The following EPHB2 variants were observed in gnomAD, a reference collection of about 807,000 sequenced individuals.
The protein encoded by EPHB2 is EPH receptor B2, also known as ephrin type-B receptor 2.
EPHB2 carries 18 observed loss-of-function variants against 96.4 expected under a neutral mutation model. That is an observed-to-expected ratio of 0.19 (90% CI 0.13 to 0.28). The LOEUF (loss-of-function observed/expected upper bound fraction) is 0.28, where lower values mean the gene tolerates loss of function less well. Among genes scored for constraint, EPHB2 ranks in the 10% least tolerant of loss-of-function variants. The pLI, the probability that EPHB2 is intolerant of heterozygous loss-of-function variation, is 1.00. For missense variants in EPHB2, 989 were observed against 1,355.4 expected (o/e 0.73, Z 4.25); for synonymous variants, 506 against 534.1 (o/e 0.95, Z 0.72).
chr1:22,909,772 A>G (rs547847014), intron 13 of EPHB2, among the ~76,000 whole-genome samples: 35 of 152,302 alleles, frequency 2.3e-4, no homozygotes, highest in Middle Eastern at 3.4e-3. Context: ...ACTCGAAGAA[A>G]CTTCTTACAC....
At chr1:22,781,042 CG>C (rs1644523019) in intron 1 of EPHB2, among the ~76,000 whole-genome samples, 2 of 151,922 alleles carry the variant, frequency 1.3e-5, no homozygotes, top group African/African-American at 2.4e-5. Flanking sequence ...AGGGTCTGGC[CG>C]GGCACGGTGG....
At chr1:22,727,300 A>C (rs1422741503) in intron 1 of EPHB2, among the ~76,000 whole-genome samples, 1 of 152,236 alleles carries the variant, frequency 6.6e-6, no homozygotes, top group Non-Finnish European at 1.5e-5. Flanking sequence ...GACATAGCCC[A>C]CATCCTTGGT....
At chr1:22,727,728 A>ATTTTC (rs1045273699) in intron 1 of EPHB2, among the ~76,000 whole-genome samples, 2 of 111,616 alleles carry the variant, frequency 1.8e-5, no homozygotes, top group Non-Finnish European at 3.7e-5. Context: ...GCTTGAACAT[A>ATTTTC]TTTTCTTTTC....
intron 3 of EPHB2, among the ~76,000 whole-genome samples, chr1:22,832,630 G>A (rs1052423992): frequency 2.6e-5 from 4 of 152,086 alleles, no homozygotes; most frequent in African/African-American, 7.2e-5. Flanking sequence ...CATGATTCAC[G>A]TCAGATGCCT....
At chr1:22,786,315 G>C (rs2148427353) in intron 3 of EPHB2, among the ~76,000 whole-genome samples, 1 of 152,346 alleles carries the variant, frequency 6.6e-6, no homozygotes, top group Middle Eastern at 3.4e-3. Context: ...AAGCCCAGAT[G>C]CTCAGCCTGT....
At chr1:22,723,417 A>G (rs1262203828) in intron 1 of EPHB2, among the ~76,000 whole-genome samples, 12 of 152,222 alleles carry the variant, frequency 7.9e-5, no homozygotes, top group Admixed American at 4.6e-4. Flanking sequence ...CTCAGATGGC[A>G]GCTCCCGCAG....
At chr1:22,735,610 A>C (rs781014697) in intron 1 of EPHB2, among the ~76,000 whole-genome samples, 2 of 152,274 alleles carry the variant, frequency 1.3e-5, no homozygotes, top group South Asian at 2.1e-4. Flanking sequence ...CCCAGCAGGG[A>C]GCCTCCTTCT....
rs1023075379 is a variant in EPHB2, at chr1:22,918,101, C to T, written c.*4531C>T. 3 of 152,326 alleles carry T rather than the reference C, an allele frequency of 2.0e-5. No individual in the cohort carries two copies. The highest frequency in any genetic ancestry group is 6.5e-5 in the Admixed American group (1 of 15,276). 9.4% of individuals were successfully genotyped at this position (152,326 alleles called of 1,614,324 possible). ...GTGAGCATCAGGTTCTAGGAAGAAG[C>T]ACCAGTTCAGCCATCAGATGGGGCA... On this transcript the variant is annotated 3_prime_UTR_variant, in exon 16 of 16. Transcript: ENST00000374630. The surrounding 1 kb of genome is among the most constrained non-coding windows in gnomAD (Gnocchi z 4.2).
intron 9 of EPHB2, among the ~76,000 whole-genome samples, chr1:22,900,494 G>T (rs1290996873): frequency 6.6e-6 from 1 of 152,058 alleles, no homozygotes; most frequent in Non-Finnish European, 1.5e-5. Context: ...CACAGAGGTT[G>T]CACAGCTGCT....
chr1:22,727,850 C>T (rs1196910222), intron 1 of EPHB2, among the ~76,000 whole-genome samples: 1 of 150,690 alleles, frequency 6.6e-6, no homozygotes, highest in Non-Finnish European at 1.5e-5. Flanking sequence ...TCTGTATTGC[C>T]CAGGCTGGTC....
At chr1:22,817,012 C>A (rs183228824) in intron 3 of EPHB2, among the ~76,000 whole-genome samples, 1 of 152,314 alleles carries the variant, frequency 6.6e-6, no homozygotes, top group Non-Finnish European at 1.5e-5. Flanking sequence ...TAATCACTGG[C>A]CGCTGGCTGA....
At position 22,797,076 on chromosome 1, in the gene EPHB2, C is replaced by T. The variant is rs556686692; in HGVS notation, c.811+12000C>T. 4.6e-4 allele frequency among the ~76,000 whole-genome samples: 70 copies of T among 152,312 alleles called. 1 individual carries two copies. The South Asian group carries it at 0.011, about 23-fold the overall frequency. On this transcript the variant is annotated intron_variant, in intron 3 of 15. Transcript: ENST00000374630. ...TAAAAGGGCTATTGTCCCCATTCTTCAGATGAGGAAATCTTAGCATGGTGA... is the reference window on the plus strand; with the variant it reads ...TAAAAGGGCTATTGTCCCCATTCTTTAGATGAGGAAATCTTAGCATGGTGA...
intron 1 of EPHB2, among the ~76,000 whole-genome samples, chr1:22,721,727 C>T (rs1643470611): frequency 6.6e-6 from 1 of 152,042 alleles, no homozygotes; most frequent in Non-Finnish European, 1.5e-5. Context: ...GCAATTCTCT[C>T]ACCTCAGCCT....
At chr1:22,758,068 G>A (rs932077566) in intron 1 of EPHB2, among the ~76,000 whole-genome samples, 1 of 145,312 alleles carries the variant, frequency 6.9e-6, no homozygotes, top group Admixed American at 6.9e-5. Context: ...ACAGGCGCCC[G>A]CTACCACACC....
intron 9 of EPHB2, among the ~76,000 whole-genome samples, chr1:22,900,359 C>T (rs575465004): frequency 5.9e-5 from 9 of 152,218 alleles, no homozygotes; most frequent in South Asian, 2.1e-4. Context: ...GTAATGAAAT[C>T]GTGATCATAG....
intron 3 of EPHB2, among the ~76,000 whole-genome samples, chr1:22,859,304 G>T (rs946637061): frequency 2.7e-5 from 4 of 150,598 alleles, no homozygotes; most frequent in Non-Finnish European, 5.9e-5. Flanking sequence ...TGGTGGGGGG[G>T]GGGGTATTGT....
intron 1 of EPHB2, among the ~76,000 whole-genome samples, chr1:22,716,979 G>A (rs1643310200): frequency 6.6e-6 from 1 of 152,210 alleles, no homozygotes; most frequent in Admixed American, 6.5e-5. Context: ...GAACAAGGTT[G>A]GGGAGTCTGT....
rs145060869 is a variant in EPHB2, at chr1:22,790,482, C to T, written c.811+5406C>T. Among the ~76,000 whole-genome samples, 684 of 152,190 alleles carry T rather than the reference C, an allele frequency of 4.5e-3. 3 individuals are homozygous for T. Among genetic ancestry groups the T allele is most frequent in the South Asian group, 0.018 (85 of 4,820 alleles). ...GAATGCCTTCTTTGCAGCAGCTGCC[C>T]GCACCCAAGTCTGTTTCTCTGACTC... On this transcript the variant is annotated intron_variant, in intron 3 of 15. Transcript: ENST00000374630. This position sits in a 1 kb window ranked among gnomAD's most constrained non-coding sequence, Gnocchi z 4.0.
chr1:22,883,809 C>T (rs1639129265), intron 6 of EPHB2, among the ~76,000 whole-genome samples: 1 of 152,170 alleles, frequency 6.6e-6, no homozygotes, highest in Non-Finnish European at 1.5e-5. Context: ...CAGTGCATTC[C>T]AAGAGGTCAG....
Sources: gnomAD v4.1 joint callset for allele counts (sites outside exome capture counted in the v4.1 genomes callset) on GRCh38, gnomAD v4.1.1 for gene constraint, Gnocchi (gnomAD v3.1) non-coding constraint, MANE v1.5 for transcripts, NCBI Gene and HGNC (gene_info 2026-07-23, HGNC 2026-07-21) for gene names.